BAIAP3: variants seen among roughly 807,000 people sequenced by gnomAD.
The protein encoded by BAIAP3 is BAI1 associated protein 3, also known as BAI1-associated protein 3.
BAIAP3 carries 180 observed loss-of-function variants against 149.7 expected under a neutral mutation model. The observed-to-expected ratio is 1.20, with a 90% CI of 1.07 to 1.36. BAIAP3 has a LOEUF of 1.36. Ranked by LOEUF, BAIAP3 falls within the 40% of genes most tolerant of loss-of-function variation. BAIAP3 has a pLI of 0.00. For missense variants in BAIAP3, 1,767 were observed against 1,563.4 expected, an observed-to-expected ratio of 1.13 and a Z score of -2.20; for synonymous variants, 845 against 670.7, an observed-to-expected ratio of 1.26 and a Z score of -4.02.
chr16:1,348,018 G>C lies in BAIAP3; in HGVS notation c.3149+1G>C. 6.2e-7 allele frequency: 1 copy of C among 1,607,852 alleles called. No homozygotes were observed. The highest frequency in any genetic ancestry group is 8.5e-7 in the Non-Finnish European group (1 of 1,179,756). On this transcript the variant is annotated splice_donor_variant, in intron 32 of 33. Transcript: ENST00000426824. LOFTEE classifies it high-confidence loss of function. ...CTGTATACGACGAACTCTTCTACTT[G>C]TGAGTGTCCTAAGCCCCAGCCCCAG...
chr16:1,334,852 G>T, intron 1 of BAIAP3: 2 of 1,212,604 alleles, frequency 1.6e-6, no homozygotes, highest in South Asian at 2.6e-5. Context: ...CTGGAGAGAA[G>T]ACCAAGAGGG....
At position 1,344,042 on chromosome 16, in the gene BAIAP3, C is replaced by G; in HGVS notation, c.1407C>G (p.Ser469Arg). Residue 469 changes from serine to arginine, a missense_variant, in exon 16 of 34, where the codon AGC becomes AGG. Coordinates refer to ENST00000426824, the MANE Select transcript of BAIAP3 (RefSeq NM_001199097.2). The stretch of plus-strand genomic sequence containing the variant: ...CACAGGAGGAGAGCCTGGCTGATAG[C>G]CTTTCCGCCTTCTCTGAGTTCGGGC... ...PQEQEESLADSLSAFSEFGLQ... is the reference protein window; with the variant it reads ...PQEQEESLADRLSAFSEFGLQ... The G allele has an allele frequency of 6.2e-7, 1 of 1,612,470 alleles. No homozygotes were observed. Among genetic ancestry groups the G allele is most frequent in the Non-Finnish European group, 8.5e-7 (1 of 1,179,918 alleles).
At position 1,338,690 on chromosome 16, in the gene BAIAP3, G is replaced by A. The variant is rs751939248; in HGVS notation, c.131+10G>A. The A allele has an allele frequency of 3.6e-5, 56 of 1,570,498 alleles. No homozygotes were observed. The highest frequency in any genetic ancestry group is 4.6e-5 in the South Asian group (4 of 87,114). On this transcript the variant is annotated intron_variant, in intron 2 of 33. Transcript: ENST00000426824. ...CTGCCACGGGGGCCTGGTGGGTGCC[G>A]AGGGGCCCAGCCCCACACGCCCACA...
chr16:1,341,243 A>T (rs964311638), intron 7 of BAIAP3, 48 bp downstream of exon 7: 1 of 1,606,600 alleles, frequency 6.2e-7, no homozygotes, highest in Non-Finnish European at 8.5e-7. Context: ...CCTGGCGGCC[A>T]TGGAGGGCCA....
rs2034123491 is a variant in BAIAP3 at position 1,344,003 on chromosome 16, A to C, written c.1387-19A>C. 6.2e-7 allele frequency: 1 copy of C among 1,611,372 alleles called. No homozygotes were observed. Among genetic ancestry groups the C allele is most frequent in the Non-Finnish European group, 8.5e-7 (1 of 1,179,774 alleles). ...TGGCCGGTCGGGGCTGCTGGCACTG[A>C]AGGGCCCTGTCCCCACAGGAGGAGA... On this transcript the variant is annotated intron_variant, in intron 15 of 33. Transcript: ENST00000426824.
intron 27 of BAIAP3, 68 bp downstream of exon 27, chr16:1,346,752 G>A (rs924776439): frequency 2.4e-5 from 37 of 1,523,148 alleles, no homozygotes; most frequent in African/African-American, 6.9e-5. Context: ...GCAGGGTGCC[G>A]GAGGCCCTGT....
chr16:1,347,060 C>A, intron 28 of BAIAP3, 105 bp downstream of exon 28: 1 of 1,118,468 alleles, frequency 8.9e-7, no homozygotes. Context: ...GGCTGGAGAG[C>A]AGCCACTCCA....
rs892805679 is a variant in BAIAP3, at chr16:1,348,125, G to A, written c.3179G>A (p.Arg1060His). ...GTGCCTGCCGAGGCGTGCCGCCGCC[G>A]CGCGGCCTGTGTGTTGTTCACCGTC... ...FSVPAEACRR[R>H]AACVLFTVMD... The change falls in exon 33 of 34, where the codon CGC becomes CAC. Residue 1060 changes from arginine to histidine, a missense_variant. Transcript: ENST00000426824. 23 of 1,604,742 alleles carry A rather than the reference G, an allele frequency of 1.4e-5. No individual in the cohort carries two copies. Among genetic ancestry groups the A allele is most frequent in the East Asian group, 4.5e-5 (2 of 44,860 alleles).
At chr16:1,340,831 T>C (rs1394911418) in intron 5 of BAIAP3, 91 bp from the exon 6 acceptor site, 1 of 1,378,380 alleles carries the variant, frequency 7.3e-7, no homozygotes, top group Non-Finnish European at 1.0e-6. Flanking sequence ...AGGTTGGGTG[T>C]CTGTGACGGG....
In BAIAP3 at chr16:1,338,616, C is replaced by T. The variant is rs141741281; in HGVS notation, c.67C>T (p.Arg23Cys). The change falls in exon 2 of 34, where the codon CGC (arginine) becomes TGC (cysteine). Residue 23 changes from arginine (R) to cysteine (C), a missense_variant. By Grantham distance (180) the Arg-to-Cys change is radical (BLOSUM62 -3). Transcript: ENST00000426824. Reference protein sequence around the residue: ...RQVQVCPSFRRRTEQDPGSAS... With the variant: ...RQVQVCPSFRCRTEQDPGSAS... ...GGTGCAGGTGTGCCCGTCCTTCCGC[C>T]GCAGGACTGAGCAGGACCCAGGGAG... The T allele has an allele frequency of 3.9e-5, 62 of 1,604,826 alleles. No individual in the cohort carries two copies. The highest frequency in any genetic ancestry group is 1.8e-4 in the Middle Eastern group (1 of 5,590).
Position 1,344,531 on chromosome 16 carries a change from G to A in BAIAP3, c.1659+6G>A, listed in dbSNP as rs371598176. The A allele has an allele frequency of 1.3e-4, 203 of 1,612,882 alleles. 2 individuals are homozygous for A. Among genetic ancestry groups the A allele is most frequent in the Non-Finnish European group, 1.0e-5 (12 of 1,179,960 alleles). Reference sequence around the variant, plus strand: ...ACAAGAGTCCCCGAGAGCAGGTGCAGTTGTGGGGGACCCTGGCCATGAGGG... The same window carrying A: ...ACAAGAGTCCCCGAGAGCAGGTGCAATTGTGGGGGACCCTGGCCATGAGGG... On this transcript the variant is annotated splice_donor_region_variant and intron_variant, in intron 18 of 33. Coordinates refer to ENST00000426824, the MANE Select transcript of BAIAP3 (RefSeq NM_001199097.2).
rs200510594 is a variant in BAIAP3, at chr16:1,342,196, C to A, written c.870C>A (p.Ile290=). ...LKGMGRYFKQ[I]VKSARANGTA... ...TGGTGGCCAGGTACTTCAAACAGAT[C>A]GTCAAGTCAGCCCGCGCAAACGGGA... The change falls in exon 11 of 34, where the codon ATC becomes ATA. Residue 290 remains isoleucine (I), a synonymous_variant. Transcript: ENST00000426824. 2 of 1,605,784 alleles carry A rather than the reference C, an allele frequency of 1.2e-6. No individual in the cohort carries two copies. The highest frequency in any genetic ancestry group is 1.7e-6 in the Non-Finnish European group (2 of 1,175,036).
rs746363437 is a variant in BAIAP3, at chr16:1,346,022, C to T, written c.2245C>T (p.Leu749Phe). Residue 749 changes from leucine to phenylalanine, a missense_variant, in exon 24 of 34, where the codon CTT (leucine) becomes TTT (phenylalanine). Physicochemically the swap from Leu to Phe is conservative, Grantham distance 22. Coordinates refer to ENST00000426824, the MANE Select transcript of BAIAP3 (RefSeq NM_001199097.2). ...CEATLFYTEL[L>F]RKKVDTQPGA... Reference sequence around the variant, plus strand: ...GGCCACCCTCTTCTATACGGAGCTGCTTCGGAAGAAGGTGGACACTCAGCC... The same window carrying T: ...GGCCACCCTCTTCTATACGGAGCTGTTTCGGAAGAAGGTGGACACTCAGCC... 21 of 1,611,498 alleles carry T rather than the reference C, an allele frequency of 1.3e-5. No homozygotes were observed. The South Asian group carries it at 2.3e-4, about 18-fold the overall frequency.
intron 1 of BAIAP3, among the ~76,000 whole-genome samples, chr16:1,337,152 C>T (rs960588065): frequency 2.6e-5 from 4 of 152,186 alleles, no homozygotes; most frequent in Non-Finnish European, 4.4e-5. Context: ...CAGGAGGCTA[C>T]GGTGTCTTAG....
chr16:1,347,927 G>A lies in BAIAP3; in HGVS notation c.3059G>A (p.Gly1020Asp), dbSNP rs1418810992. 1 of 1,612,000 alleles carries A rather than the reference G, an allele frequency of 6.2e-7. No individual in the cohort carries two copies. Among genetic ancestry groups the A allele is most frequent in the Non-Finnish European group, 8.5e-7 (1 of 1,179,928 alleles). The change falls in exon 32 of 34, where the codon GGC becomes GAC. Residue 1020 changes from glycine (G) to aspartate (D), a missense_variant. By Grantham distance (94) the Gly-to-Asp change is moderately conservative. Transcript: ENST00000426824. ...LSDPFVIVEL[G>D]PPHLFPLVRS... The stretch of plus-strand genomic sequence containing the variant: ...GACCCCTTTGTGATCGTGGAGCTGG[G>A]CCCACCGCATCTCTTTCCACTGGTC...
Position 1,342,049 on chromosome 16 carries a change from G to GAAGGGT in BAIAP3, c.845_846insTAAGGG (p.Lys281_Gly282dup). ...GGAAGCTGAATGAAGTCATCGGCCT[G>GAAGGGT]AAGGGCATGGGCAGGTATGACTGCT... On this transcript the variant is annotated inframe_insertion, in exon 10 of 34. Coordinates refer to ENST00000426824, the MANE Select transcript of BAIAP3 (RefSeq NM_001199097.2). 1 of 1,606,472 alleles carries GAAGGGT rather than the reference G, an allele frequency of 6.2e-7. No individual in the cohort carries two copies. Among genetic ancestry groups the GAAGGGT allele is most frequent in the Non-Finnish European group, 8.5e-7 (1 of 1,176,652 alleles).
chr16:1,347,482 C>T lies in BAIAP3; in HGVS notation c.2824-63C>T, dbSNP rs2034457942. 4 of 1,573,410 alleles carry T rather than the reference C, an allele frequency of 2.5e-6. No individual in the cohort carries two copies. In the South Asian group the frequency reaches 4.6e-5, roughly 18 times the overall value. On this transcript the variant is annotated intron_variant, in intron 29 of 33. Coordinates refer to ENST00000426824, the MANE Select transcript of BAIAP3 (RefSeq NM_001199097.2). ...GAGGTGGCCCCACGGGCAGTCAGGTCTCCAAGTGCCAGCGCTGACCACCAG... is the reference window on the plus strand; with the variant it reads ...GAGGTGGCCCCACGGGCAGTCAGGTTTCCAAGTGCCAGCGCTGACCACCAG...
chr16:1,342,088 C>G (rs2033961207), intron 10 of BAIAP3, 25 bp downstream of exon 10: 1 of 1,582,140 alleles, frequency 6.3e-7, no homozygotes, highest in East Asian at 2.2e-5. Flanking sequence ...ACCTTTCTAC[C>G]CATCACCCGT....
In BAIAP3 at chr16:1,348,814, G is replaced by A. The variant is rs1042880571; in HGVS notation, c.*332G>A. The A allele has an allele frequency of 8.0e-5, 38 of 474,420 alleles. No individual in the cohort carries two copies. Among genetic ancestry groups the A allele is most frequent in the South Asian group, 7.9e-4 (31 of 39,298 alleles). 29.4% of individuals were successfully genotyped at this position (474,420 alleles called of 1,614,324 possible). On this transcript the variant is annotated 3_prime_UTR_variant, in exon 34 of 34. Transcript: ENST00000426824. ...TGGGCTCCCCGGCCCTGGGTGGGCG[G>A]TGGGCAGCTGGTCTCCAGGGACTCA...
Sources: gnomAD v4.1 joint callset for allele counts (sites outside exome capture counted in the v4.1 genomes callset) on GRCh38, gnomAD v4.1.1 for gene constraint, MANE v1.5 for transcripts, NCBI Gene and HGNC (gene_info 2026-07-23, HGNC 2026-07-21) for gene names.